HSD17B12: variants seen among roughly 807,000 people sequenced by gnomAD.
HSD17B12 encodes hydroxysteroid 17-beta dehydrogenase 12, also known as very-long-chain 3-oxoacyl-CoA reductase.
A neutral mutation model predicts 39.3 loss-of-function variants in HSD17B12; 32 were observed. The ratio of observed to expected loss-of-function variants is 0.81; its 90% CI spans 0.61 to 1.09. HSD17B12 has a LOEUF of 1.09. Among genes scored for constraint, HSD17B12 ranks in the 50% least tolerant of loss-of-function variants. The pLI is 0.00. For missense variants in HSD17B12, 342 were observed against 382.9 expected (o/e 0.89, Z 0.89); for synonymous variants, 150 against 146.7 (o/e 1.02, Z -0.16).
At chr11:43,660,252 G>C in the HSD17B12 span, among the ~76,000 whole-genome samples, 515 of 152,234 alleles carry the variant, frequency 3.4e-3, 2 homozygotes, top group East Asian at 0.03. Context: ...TCTCATGCAT[G>C]GTTGTCCAAG....
chr11:43,780,860 G>C (rs563340477), intron 3 of HSD17B12, among the ~76,000 whole-genome samples: 12 of 152,228 alleles, frequency 7.9e-5, no homozygotes, highest in Non-Finnish European at 1.3e-4. Flanking sequence ...ATGTGGCCCT[G>C]CCTTGGATTA....
intron 1 of HSD17B12, among the ~76,000 whole-genome samples, chr11:43,714,172 T>G (rs1437044514): frequency 1.3e-5 from 2 of 152,176 alleles, no homozygotes; most frequent in African/African-American, 2.4e-5. Flanking sequence ...CATTGCTTTT[T>G]GTGTTTTAGA....
chr11:43,639,740 A>C, the HSD17B12 span, among the ~76,000 whole-genome samples: 1 of 152,228 alleles, frequency 6.6e-6, no homozygotes, highest in Non-Finnish European at 1.5e-5. Flanking sequence ...AAGGGAAAGC[A>C]ATTTTTTAGT....
rs770012590 is a variant in HSD17B12 at position 43,854,820 on chromosome 11, G to A, written c.790G>A (p.Gly264Ser). The A allele has an allele frequency of 1.4e-5, 22 of 1,614,100 alleles. No homozygotes were observed. Among genetic ancestry groups the A allele is most frequent in the South Asian group, 3.3e-5 (3 of 91,084 alleles). Residue 264 changes from glycine to serine, a missense_variant, in exon 10 of 11, where the codon GGC (glycine) becomes AGC (serine). Gly to Ser is a moderately conservative substitution (Grantham distance 56). Coordinates refer to ENST00000278353, the MANE Select transcript of HSD17B12 (RefSeq NM_016142.3). The stretch of plus-strand genomic sequence containing the variant: ...TGTGAAGTCTGCAATTAAAACAGTC[G>A]GCCTGCAATCCCGAACCAATGGATA... ...TFVKSAIKTV[G>S]LQSRTNGYLI...
chr11:43,777,182 T>G lies in HSD17B12; in HGVS notation c.284-21138T>G, dbSNP rs1236549136. 7.2e-3 allele frequency among the ~76,000 whole-genome samples: 1,103 copies of G among 152,354 alleles called. 15 individuals are homozygous for G. The highest frequency in any genetic ancestry group is 0.025 in the African/African-American group (1,035 of 41,570). ...CTTGATGGGGATGGCATTGAATCTGTAAATTGCCTTGGGCAGTATGGCCAT... is the reference window on the plus strand; with the variant it reads ...CTTGATGGGGATGGCATTGAATCTGGAAATTGCCTTGGGCAGTATGGCCAT... On this transcript the variant is annotated intron_variant, in intron 3 of 10. Coordinates refer to ENST00000278353, the MANE Select transcript of HSD17B12 (RefSeq NM_016142.3).
chr11:43,697,540 A>G (rs1320319671), intron 1 of HSD17B12, among the ~76,000 whole-genome samples: 1 of 152,220 alleles, frequency 6.6e-6, no homozygotes, highest in Non-Finnish European at 1.5e-5. Flanking sequence ...AGAGAGGTCA[A>G]GCAGTTTACC....
chr11:43,845,184 T>G (rs1185759427), intron 9 of HSD17B12, among the ~76,000 whole-genome samples: 1 of 152,154 alleles, frequency 6.6e-6, no homozygotes, highest in Admixed American at 6.5e-5. Context: ...GGGTCTCACT[T>G]TGTCACCTAG....
chr11:43,827,375 T>C (rs1489429898), intron 6 of HSD17B12, among the ~76,000 whole-genome samples: 1 of 152,238 alleles, frequency 6.6e-6, no homozygotes, highest in Non-Finnish European at 1.5e-5. Flanking sequence ...AATAATTTGC[T>C]TATATTGTAT....
the HSD17B12 span, chr11:43,673,492 C>CTT: frequency 7.0e-3 from 591 of 83,868 alleles, 18 homozygotes; most frequent in South Asian, 0.013. Flanking sequence ...CTTTTCTTTT[C>CTT]TTTTTTTTTT....
At chr11:43,753,235 C>A (rs1373093877) in intron 2 of HSD17B12, among the ~76,000 whole-genome samples, 1 of 152,080 alleles carries the variant, frequency 6.6e-6, no homozygotes, top group Non-Finnish European at 1.5e-5. Context: ...ATTCAATTAA[C>A]TTCTTTAGTT....
intron 1 of HSD17B12, chr11:43,723,905 T>G (rs968796119): frequency 1.3e-5 from 2 of 152,216 alleles, no homozygotes; most frequent in Non-Finnish European, 2.9e-5. Context: ...TGTCTCATTT[T>G]CCCTCCAACT....
intron 4 of HSD17B12, among the ~76,000 whole-genome samples, chr11:43,802,443 G>A (rs1950980720): frequency 6.6e-6 from 1 of 151,756 alleles, no homozygotes; most frequent in Non-Finnish European, 1.5e-5. Flanking sequence ...CCACTTAATA[G>A]CATATCTCAA....
Position 43,755,950 on chromosome 11 carries a change from G to A in HSD17B12, c.283+1829G>A, listed in dbSNP as rs145376821. Reference sequence around the variant, plus strand: ...AATCATGGCGGAAGGTGAAAGGCACGTCTTACATGGTGGCAGGCAAGAGAG... The same window carrying A: ...AATCATGGCGGAAGGTGAAAGGCACATCTTACATGGTGGCAGGCAAGAGAG... On this transcript the variant is annotated intron_variant, in intron 3 of 10. Coordinates refer to ENST00000278353, the MANE Select transcript of HSD17B12 (RefSeq NM_016142.3). Among the ~76,000 whole-genome samples, 82 of 152,308 alleles carry A rather than the reference G, an allele frequency of 5.4e-4. 1 individual carries two copies. The East Asian group carries it at 0.014, about 25-fold the overall frequency.
In HSD17B12 at chr11:43,735,956, G is replaced by A. The variant is rs564933174; in HGVS notation, c.161-14955G>A. Among the ~76,000 whole-genome samples the A allele has an allele frequency of 3.9e-5, 6 of 152,260 alleles. No homozygotes were observed. The South Asian group carries it at 1.2e-3, about 32-fold the overall frequency. On this transcript the variant is annotated intron_variant, in intron 1 of 10. Transcript: ENST00000278353. Reference sequence around the variant, plus strand: ...ACTCACTGTCACGAGAACAGCATGAGAATTCCTATTTTCATGAGGCCCCTT... The same window carrying A: ...ACTCACTGTCACGAGAACAGCATGAAAATTCCTATTTTCATGAGGCCCCTT...
chr11:43,799,374 AT>A (rs924701828), intron 4 of HSD17B12, among the ~76,000 whole-genome samples: 6 of 151,164 alleles, frequency 4.0e-5, no homozygotes, highest in African/African-American at 1.2e-4. Context: ...TCAGTCTTGT[AT>A]TTTTTTTTCT....
At chr11:43,570,018 G>T in the HSD17B12 span, 4 of 152,700 alleles carry the variant, frequency 2.6e-5, no homozygotes, top group East Asian at 7.7e-4. Flanking sequence ...TGTCCAGAGG[G>T]TTAACATTAA....
chr11:43,782,326 C>T (rs1484396494), intron 3 of HSD17B12, among the ~76,000 whole-genome samples: 1 of 152,042 alleles, frequency 6.6e-6, no homozygotes, highest in Admixed American at 6.6e-5. Flanking sequence ...TCTAACCAAA[C>T]CTGGATAAAT....
chr11:43,616,045 A>G, the HSD17B12 span, among the ~76,000 whole-genome samples: 5 of 152,316 alleles, frequency 3.3e-5, no homozygotes, highest in Non-Finnish European at 7.4e-5. Context: ...GAAGGGGGAA[A>G]AGAGATATCA....
chr11:43,827,909 T>G (rs1006335427), intron 6 of HSD17B12, among the ~76,000 whole-genome samples: 1 of 152,170 alleles, frequency 6.6e-6, no homozygotes, highest in Non-Finnish European at 1.5e-5. Context: ...ATTTGTATAC[T>G]TTTTGGCTAG....
Sources: gnomAD v4.1 joint callset for allele counts (sites outside exome capture counted in the v4.1 genomes callset) on GRCh38, gnomAD v4.1.1 for gene constraint, MANE v1.5 for transcripts, NCBI Gene and HGNC (gene_info 2026-07-23, HGNC 2026-07-21) for gene names.